The following CAMKMT variants were observed in gnomAD, a reference collection of about 807,000 sequenced individuals.
The protein encoded by CAMKMT is calmodulin-lysine N-methyltransferase.
CAMKMT carries 53 observed loss-of-function variants against 48.0 expected under a neutral mutation model. The observed-to-expected ratio is 1.10, with a 90% CI of 0.89 to 1.39. The LOEUF is 1.39. Ranked by LOEUF, CAMKMT falls within the 40% of genes most tolerant of loss-of-function variation. CAMKMT has a pLI of 0.00. For missense variants in CAMKMT, 428 were observed against 402.7 expected (o/e 1.06, Z -0.54); for synonymous variants, 165 against 152.3 (o/e 1.08, Z -0.61).
chr2:44,688,375 A>G (rs1424416283), intron 3 of CAMKMT, among the ~76,000 whole-genome samples: 1 of 152,038 alleles, frequency 6.6e-6, no homozygotes, highest in Non-Finnish European at 1.5e-5. Context: ...AGACTGTCAC[A>G]TTTCCTTCAT....
intron 3 of CAMKMT, chr2:44,393,632 T>C (rs1681555155): frequency 6.6e-6 from 1 of 152,240 alleles, no homozygotes; most frequent in Non-Finnish European, 1.5e-5. Flanking sequence ...TGATTCATTG[T>C]GCCCAGAAAG....
chr2:44,460,993 G>C (rs1052532260), intron 3 of CAMKMT, among the ~76,000 whole-genome samples: 2 of 151,976 alleles, frequency 1.3e-5, no homozygotes, highest in Non-Finnish European at 2.9e-5. Flanking sequence ...CAAAGTGCTG[G>C]GATTATAGGC....
chr2:44,576,189 G>A lies in CAMKMT; in HGVS notation c.377-128094G>A, dbSNP rs139615240. On this transcript the variant is annotated intron_variant, in intron 3 of 10. Coordinates refer to ENST00000378494, the MANE Select transcript of CAMKMT (RefSeq NM_024766.5). ...TAAAAATACAATAAATTAGCCAGGC[G>A]TGGTGGCACATGCCTGTAATCCCAG... Among the ~76,000 whole-genome samples the A allele has an allele frequency of 4.0e-5, 6 of 151,890 alleles. No individual in the cohort carries two copies. In the East Asian group the frequency reaches 5.9e-4, roughly 15 times the overall value.
intron 3 of CAMKMT, among the ~76,000 whole-genome samples, chr2:44,564,466 C>T (rs1279779395): frequency 1.3e-5 from 2 of 152,160 alleles, no homozygotes; most frequent in African/African-American, 2.4e-5. Context: ...TGAGCCACCA[C>T]ACATGGCCTA....
intron 3 of CAMKMT, among the ~76,000 whole-genome samples, chr2:44,496,731 G>A (rs1162345397): frequency 4.6e-5 from 7 of 152,168 alleles, no homozygotes; most frequent in Admixed American, 4.6e-4. Context: ...TCACAAATGT[G>A]GTGTTCCAGT....
intron 3 of CAMKMT, among the ~76,000 whole-genome samples, chr2:44,405,968 T>G (rs1283858870): frequency 1.3e-5 from 2 of 152,204 alleles, no homozygotes; most frequent in Non-Finnish European, 2.9e-5. Context: ...TTTGTTATGG[T>G]AACTGAACCA....
At chr2:44,558,510 A>G (rs72881161) in intron 3 of CAMKMT, among the ~76,000 whole-genome samples, 1,683 of 152,276 alleles carry the variant, frequency 0.011, 20 homozygotes, top group African/African-American at 0.034. Context: ...TCTTCAATAG[A>G]TAGAGTTCAG....
At chr2:44,434,981 C>T (rs1666129720) in intron 3 of CAMKMT, among the ~76,000 whole-genome samples, 1 of 152,132 alleles carries the variant, frequency 6.6e-6, no homozygotes. Context: ...CATATAATGG[C>T]ATCATTGTCT....
At chr2:44,584,916 G>A (rs1331919554) in intron 3 of CAMKMT, among the ~76,000 whole-genome samples, 7 of 151,936 alleles carry the variant, frequency 4.6e-5, no homozygotes, top group African/African-American at 7.3e-5. Flanking sequence ...TTATCCGGGC[G>A]TGGTGGTGGG....
intron 3 of CAMKMT, among the ~76,000 whole-genome samples, chr2:44,674,468 A>G (rs1675553028): frequency 6.6e-6 from 1 of 152,166 alleles, no homozygotes; most frequent in African/African-American, 2.4e-5. Context: ...ATGAAGAAAA[A>G]CATGTATCTG....
Position 44,633,210 on chromosome 2 carries a change from GAA to G in CAMKMT, c.377-71072_377-71071del, listed in dbSNP as rs1484144808. On this transcript the variant is annotated intron_variant, in intron 3 of 10. Coordinates refer to ENST00000378494, the MANE Select transcript of CAMKMT (RefSeq NM_024766.5). The stretch of plus-strand genomic sequence containing the variant: ...TGGGGAGTGGTGATTATAAAAAAGA[GAA>G]CTTTATCACTGGTTTTTAGTAATTT... 2.0e-5 allele frequency among the ~76,000 whole-genome samples: 3 copies of G among 152,086 alleles called. No individual in the cohort carries two copies. In the East Asian group the frequency reaches 5.8e-4, roughly 29 times the overall value.
intron 7 of CAMKMT, among the ~76,000 whole-genome samples, chr2:44,740,249 C>T (rs1423262240): frequency 1.3e-5 from 2 of 151,754 alleles, no homozygotes; most frequent in East Asian, 3.9e-4. Flanking sequence ...CCACCTTAGC[C>T]TCCGGAGTGG....
intron 3 of CAMKMT, among the ~76,000 whole-genome samples, chr2:44,465,167 T>C (rs1392823982): frequency 6.6e-6 from 1 of 152,204 alleles, no homozygotes; most frequent in Admixed American, 6.5e-5. Context: ...GAAATATTTA[T>C]ATGTGATTTA....
intron 3 of CAMKMT, among the ~76,000 whole-genome samples, chr2:44,696,760 CA>C (rs1676978370): frequency 1.3e-5 from 2 of 150,554 alleles, no homozygotes; most frequent in African/African-American, 4.9e-5. Context: ...ATAACAAAAC[CA>C]AGAAACAGAA....
chr2:44,379,614 A>G (rs1223404543), intron 2 of CAMKMT, among the ~76,000 whole-genome samples: 2 of 152,198 alleles, frequency 1.3e-5, no homozygotes, highest in Admixed American at 1.3e-4. Flanking sequence ...CAACCCTTAT[A>G]GTGGATATGA....
At position 44,590,894 on chromosome 2, in the gene CAMKMT, G is replaced by A. The variant is rs1453821447; in HGVS notation, c.377-113389G>A. Reference sequence around the variant, plus strand: ...GGGTTTTTATGGTTTTAGGTCTAACGTTTAAGTCTTTAATCCATCTTGAAT... The same window carrying A: ...GGGTTTTTATGGTTTTAGGTCTAACATTTAAGTCTTTAATCCATCTTGAAT... On this transcript the variant is annotated intron_variant, in intron 3 of 10. Coordinates refer to ENST00000378494, the MANE Select transcript of CAMKMT (RefSeq NM_024766.5). 2.7e-3 allele frequency among the ~76,000 whole-genome samples: 405 copies of A among 151,424 alleles called. 1 individual carries two copies. The highest frequency in any genetic ancestry group is 0.01 in the Middle Eastern group (3 of 294).
intron 8 of CAMKMT, among the ~76,000 whole-genome samples, chr2:44,749,223 TG>T (rs947265576): frequency 1.3e-5 from 2 of 152,202 alleles, no homozygotes; most frequent in African/African-American, 4.8e-5. Flanking sequence ...AATGACTTTT[TG>T]GAAACTTCTT....
intron 3 of CAMKMT, among the ~76,000 whole-genome samples, chr2:44,477,305 T>C (rs1272218519): frequency 2.0e-5 from 3 of 152,204 alleles, no homozygotes; most frequent in Non-Finnish European, 4.4e-5. Context: ...GGTGTACAGG[T>C]GTACCCACCC....
intron 3 of CAMKMT, among the ~76,000 whole-genome samples, chr2:44,398,000 T>G (rs145122011): frequency 3.3e-5 from 5 of 152,228 alleles, no homozygotes; most frequent in Non-Finnish European, 7.3e-5. Context: ...GCACAAGATA[T>G]GCCAAGAAAG....
Sources: gnomAD v4.1 joint callset for allele counts (sites outside exome capture counted in the v4.1 genomes callset) on GRCh38, gnomAD v4.1.1 for gene constraint, MANE v1.5 for transcripts, NCBI Gene and HGNC (gene_info 2026-07-23, HGNC 2026-07-21) for gene names.